RAD51B: variants seen among roughly 807,000 people sequenced by gnomAD.
RAD51B encodes the protein DNA repair protein RAD51 homolog 2.
A neutral mutation model predicts 42.2 loss-of-function variants in RAD51B; 38 were observed. The ratio of observed to expected loss-of-function variants is 0.90; its 90% CI spans 0.70 to 1.18. RAD51B has a LOEUF of 1.18. Ranked by LOEUF, RAD51B falls within the 50% of genes most tolerant of loss-of-function variation. The probability of loss-of-function intolerance (pLI) is 0.00; values close to 1 mark genes in which losing one functional copy is unlikely to be tolerated. For missense variants in RAD51B, 373 were observed against 400.7 expected (o/e 0.93, Z 0.59); for synonymous variants, 154 against 145.2 (o/e 1.06, Z -0.43).
chr14:68,238,492 C>A (rs544398919), intron 7 of RAD51B, among the ~76,000 whole-genome samples: 4 of 151,954 alleles, frequency 2.6e-5, no homozygotes, highest in Non-Finnish European at 5.9e-5. Context: ...TTTGTAGAGA[C>A]AAAGATCTCA....
chr14:68,630,517 C>T (rs1288669389), intron 10 of RAD51B, among the ~76,000 whole-genome samples: 2 of 152,142 alleles, frequency 1.3e-5, no homozygotes, highest in East Asian at 1.9e-4. Flanking sequence ...CATGCACCTC[C>T]GGACTTGGAG....
chr14:68,563,464 T>A (rs547226806), intron 10 of RAD51B: 2 of 985,282 alleles, frequency 2.0e-6, no homozygotes, highest in Admixed American at 6.1e-5. Flanking sequence ...AGAGTACACA[T>A]GTTGTGAAAA....
intron 7 of RAD51B, among the ~76,000 whole-genome samples, chr14:68,012,952 C>G (rs1239799687): frequency 6.6e-6 from 1 of 152,046 alleles, no homozygotes; most frequent in African/African-American, 2.4e-5. Context: ...TTTATTGTTC[C>G]CATTCCTGTG....
At chr14:68,227,568 A>G (rs760986072) in intron 7 of RAD51B, among the ~76,000 whole-genome samples, 21 of 152,212 alleles carry the variant, frequency 1.4e-4, no homozygotes, top group Non-Finnish European at 2.8e-4. Context: ...TTAGCAATTT[A>G]TATTAATATT....
At chr14:68,178,468 G>C (rs2079001481) in intron 7 of RAD51B, among the ~76,000 whole-genome samples, 1 of 152,164 alleles carries the variant, frequency 6.6e-6, no homozygotes, top group African/African-American at 2.4e-5. Flanking sequence ...AACCACATGA[G>C]GAGTTGACAT....
chr14:68,082,908 C>T (rs2076933015), intron 7 of RAD51B, among the ~76,000 whole-genome samples: 1 of 152,192 alleles, frequency 6.6e-6, no homozygotes, highest in Non-Finnish European at 1.5e-5. Context: ...CATCTGGGTA[C>T]ATATGCACAC....
At chr14:68,101,349 C>T (rs1325269304) in intron 7 of RAD51B, among the ~76,000 whole-genome samples, 1 of 152,164 alleles carries the variant, frequency 6.6e-6, no homozygotes, top group Non-Finnish European at 1.5e-5. Context: ...AGCATTAACT[C>T]AAAAGTCCAA....
chr14:68,001,247 G>A (rs901446514), intron 7 of RAD51B, among the ~76,000 whole-genome samples: 1 of 152,104 alleles, frequency 6.6e-6, no homozygotes, highest in African/African-American at 2.4e-5. Context: ...CATATATGCA[G>A]TAGCAGTTTT....
intron 7 of RAD51B, among the ~76,000 whole-genome samples, chr14:68,075,740 T>C (rs2076822579): frequency 6.6e-6 from 1 of 151,578 alleles, no homozygotes. Context: ...TTTGTGGGTC[T>C]GAGCCAGGGG....
rs17105453 is a variant in RAD51B at position 68,350,397 on chromosome 14, C to T, written c.853+58417C>T. 3.1e-3 allele frequency among the ~76,000 whole-genome samples: 466 copies of T among 152,278 alleles called. 1 individual carries two copies. Among genetic ancestry groups the T allele is most frequent in the African/African-American group, 0.011 (439 of 41,558 alleles). On this transcript the variant is annotated intron_variant, in intron 8 of 10. Transcript: ENST00000471583. The stretch of plus-strand genomic sequence containing the variant: ...CTTTCATGCTTACTTGGTATAGCAG[C>T]GATGATATGACTCTTGAATGGACCA...
intron 7 of RAD51B, among the ~76,000 whole-genome samples, chr14:68,056,772 A>G (rs991935084): frequency 2.0e-5 from 3 of 151,664 alleles, no homozygotes; most frequent in Non-Finnish European, 4.4e-5. Context: ...AAATAAAAAT[A>G]ATAAATAAAA....
At chr14:68,295,261 A>G (rs2081591199) in intron 8 of RAD51B, among the ~76,000 whole-genome samples, 2 of 152,078 alleles carry the variant, frequency 1.3e-5, no homozygotes, top group South Asian at 2.1e-4. Context: ...TGAAACCTCA[A>G]TGAAGGGAAT....
intron 10 of RAD51B, among the ~76,000 whole-genome samples, chr14:68,548,125 T>C (rs1315935814): frequency 6.6e-6 from 1 of 151,804 alleles, no homozygotes; most frequent in African/African-American, 2.4e-5. Context: ...ATTCTCATGT[T>C]CTCTCTCTGT....
chr14:68,118,293 T>A (rs1267399049), intron 7 of RAD51B, among the ~76,000 whole-genome samples: 1 of 152,188 alleles, frequency 6.6e-6, no homozygotes, highest in East Asian at 1.9e-4. Context: ...GTAGACATCA[T>A]TTAAATTTCT....
chr14:68,083,952 C>T (rs1443143526), intron 7 of RAD51B, among the ~76,000 whole-genome samples: 6 of 152,108 alleles, frequency 3.9e-5, no homozygotes, highest in Middle Eastern at 3.4e-3. Flanking sequence ...AGAGAGGGAA[C>T]GTGAGAAAGA....
chr14:68,140,106 G>A (rs777096089), intron 7 of RAD51B, among the ~76,000 whole-genome samples: 22 of 152,150 alleles, frequency 1.4e-4, no homozygotes, highest in Non-Finnish European at 2.1e-4. Context: ...CTCAAAAGGC[G>A]ATTCCAGAAT....
At chr14:67,868,847 G>A (rs1230460086) in intron 5 of RAD51B, among the ~76,000 whole-genome samples, 14 of 152,264 alleles carry the variant, frequency 9.2e-5, no homozygotes, top group Non-Finnish European at 1.8e-4. Flanking sequence ...ACACGGCCGG[G>A]TACTCCAGCA....
chr14:68,119,185 C>G (rs923901507), intron 7 of RAD51B, among the ~76,000 whole-genome samples: 34 of 151,622 alleles, frequency 2.2e-4, no homozygotes, highest in Non-Finnish European at 4.7e-4. Context: ...CACGTGCCAC[C>G]GTACTCAACT....
chr14:68,416,676 T>A (rs1043790654), intron 9 of RAD51B, among the ~76,000 whole-genome samples: 1 of 152,250 alleles, frequency 6.6e-6, no homozygotes, highest in African/African-American at 2.4e-5. Context: ...TATAAGCAGA[T>A]ACTTAAATAG....
Sources: gnomAD v4.1 joint callset for allele counts (sites outside exome capture counted in the v4.1 genomes callset) on GRCh38, gnomAD v4.1.1 for gene constraint, MANE v1.5 for transcripts, NCBI Gene and HGNC (gene_info 2026-07-23, HGNC 2026-07-21) for gene names.